Variants in STPG1 observed in about 807,000 individuals in gnomAD.
STPG1 encodes sperm tail PG-rich repeat containing 1, also known as O(6)-methylguanine-induced apoptosis 2.
In STPG1, 33 loss-of-function variants were observed where a neutral mutation model predicts 40.1. The observed-to-expected ratio is 0.82, with a 90% CI of 0.62 to 1.10. The LOEUF (loss-of-function observed/expected upper bound fraction) is 1.10. STPG1 is among the 50% of genes least tolerant of loss of function. The pLI is 0.00. For synonymous variants in STPG1, 150 were observed against 155.0 expected, an observed-to-expected ratio of 0.97 and a Z score of 0.24; for missense variants, 396 against 415.1, an observed-to-expected ratio of 0.95 and a Z score of 0.40.
chr1:24,394,092 T>C (rs75480864), intron 2 of STPG1, among the ~76,000 whole-genome samples: 4,285 of 152,230 alleles, frequency 0.028, 194 homozygotes, highest in African/African-American at 0.097. Flanking sequence ...ACACATGGCA[T>C]GAGAAAACTA....
intron 3 of STPG1, among the ~76,000 whole-genome samples, chr1:24,389,143 T>C (rs1015832085): frequency 2.0e-5 from 3 of 152,328 alleles, no homozygotes; most frequent in Admixed American, 6.5e-5. Flanking sequence ...GCCTGTAGGT[T>C]TGGCTACCTG....
chr1:24,369,222 C>G (rs540098422), intron 7 of STPG1: 108 of 392,518 alleles, frequency 2.8e-4, no homozygotes, highest in Non-Finnish European at 5.1e-4. Context: ...TTGACTGCTT[C>G]TGAATGTCCT....
At chr1:24,390,405 T>C (rs536170176) in intron 3 of STPG1, among the ~76,000 whole-genome samples, 11 of 152,264 alleles carry the variant, frequency 7.2e-5, no homozygotes, top group Admixed American at 3.9e-4. Flanking sequence ...AGGAATATGA[T>C]AACACATTGT....
rs138443233 is a variant in STPG1, at chr1:24,374,723, T to C, written c.463-913A>G. On this transcript the variant is annotated intron_variant, in intron 5 of 8. Transcript: ENST00000337248. ...CACTGCAACCTCTGCCTCCCGGGCT[T>C]AAGCAATCATCCCACCTCAGTCTCC... is the stretch of plus-strand genomic sequence containing the variant. 3.6e-3 allele frequency among the ~76,000 whole-genome samples: 553 copies of C among 152,176 alleles called. 6 individuals carry two copies. Among genetic ancestry groups the C allele is most frequent in the African/African-American group, 0.012 (510 of 41,526 alleles).
At chr1:24,400,566 T>C (rs1372276959) in intron 2 of STPG1, among the ~76,000 whole-genome samples, 1 of 152,090 alleles carries the variant, frequency 6.6e-6, no homozygotes, top group East Asian at 1.9e-4. Context: ...AATCAGAGGA[T>C]AGGAGGAAGA....
chr1:24,378,009 A>ATCC (rs60101910), intron 5 of STPG1, among the ~76,000 whole-genome samples: 1 of 151,650 alleles, frequency 6.6e-6, no homozygotes, highest in Admixed American at 6.6e-5. Context: ...GAAGTGCTTC[A>ATCC]TCCTCCTCCT....
chr1:24,386,767 C>T (rs1352497446), intron 3 of STPG1, among the ~76,000 whole-genome samples: 4 of 152,182 alleles, frequency 2.6e-5, no homozygotes, highest in African/African-American at 2.4e-5. Context: ...TCCCAGAGAA[C>T]GAGAATCCAA....
intron 6 of STPG1, among the ~76,000 whole-genome samples, chr1:24,371,266 G>A (rs952299059): frequency 1.3e-5 from 2 of 152,052 alleles, no homozygotes; most frequent in Non-Finnish European, 2.9e-5. Context: ...ATGATGTTCC[G>A]AAAGGATTTT....
Position 24,379,765 on chromosome 1 carries a change from G to A in STPG1, c.350C>T (p.Pro117Leu), listed in dbSNP as rs1186863335. The change falls in exon 5 of 9, where the codon CCA (proline) becomes CTA (leucine). Residue 117 changes from proline to leucine, a missense_variant. Transcript: ENST00000337248. ...KYPAANAYTI[P>L]SDFISKRDFS... ...GTCTCTCTTGGAAATAAAATCCGAT[G>A]GGATAGTGTATGCATTCGCTGCAGG... 1.2e-6 allele frequency: 2 copies of A among 1,614,134 alleles called. No homozygotes were observed. Among genetic ancestry groups the A allele is most frequent in the Non-Finnish European group, 1.7e-6 (2 of 1,179,988 alleles).
At chr1:24,360,746 C>G in intron 8 of STPG1, 105 bp downstream of exon 8, 1 of 1,018,630 alleles carries the variant, frequency 9.8e-7, no homozygotes, top group South Asian at 1.6e-5. Flanking sequence ...ATCCCTGTAA[C>G]CTATTTGGGA....
intron 7 of STPG1, among the ~76,000 whole-genome samples, chr1:24,366,804 T>C (rs1330569151): frequency 6.6e-6 from 1 of 152,110 alleles, no homozygotes; most frequent in Admixed American, 6.5e-5. Flanking sequence ...GAGCCAGCTA[T>C]ACAAATGTCG....
intron 7 of STPG1, among the ~76,000 whole-genome samples, chr1:24,365,335 G>A (rs1641386258): frequency 6.6e-6 from 1 of 152,166 alleles, no homozygotes; most frequent in African/African-American, 2.4e-5. Context: ...TCCTTGCTGG[G>A]GAGCATGAGT....
chr1:24,390,154 C>T (rs1642698623), intron 3 of STPG1, among the ~76,000 whole-genome samples: 1 of 152,178 alleles, frequency 6.6e-6, no homozygotes, highest in Non-Finnish European at 1.5e-5. Context: ...GAAATGAGGA[C>T]TCCTCCAAAA....
At chr1:24,384,179 A>C (rs905373968) in intron 3 of STPG1, among the ~76,000 whole-genome samples, 176 bp from the exon 4 acceptor site, 3 of 152,226 alleles carry the variant, frequency 2.0e-5, no homozygotes, top group African/African-American at 7.2e-5. Context: ...TCTTCGTCTC[A>C]GTTACCAAGT....
At chr1:24,388,979 T>C (rs772511165) in intron 3 of STPG1, among the ~76,000 whole-genome samples, 6 of 152,220 alleles carry the variant, frequency 3.9e-5, no homozygotes, top group African/African-American at 1.4e-4. Context: ...GAAAGCCTGA[T>C]TGATGGATCC....
At chr1:24,404,186 T>C (rs984246630) in intron 1 of STPG1, among the ~76,000 whole-genome samples, 5 of 152,238 alleles carry the variant, frequency 3.3e-5, no homozygotes, top group African/African-American at 7.2e-5. Flanking sequence ...TCTATGGAGA[T>C]GATCATACAA....
At chr1:24,358,721 G>T in intron 8 of STPG1, 102 bp from the exon 9 acceptor site, 1 of 811,754 alleles carries the variant, frequency 1.2e-6, no homozygotes, top group Non-Finnish European at 2.0e-6. Flanking sequence ...GGACCCCTGT[G>T]CCAGCCCCTG....
intron 3 of STPG1, among the ~76,000 whole-genome samples, chr1:24,389,413 T>C (rs1642660212): frequency 6.6e-6 from 1 of 152,192 alleles, no homozygotes; most frequent in South Asian, 2.1e-4. Context: ...GTGCAGTGTG[T>C]GGAAAGAGCA....
intron 1 of STPG1, among the ~76,000 whole-genome samples, chr1:24,405,704 C>T (rs1643388444): frequency 6.6e-6 from 1 of 152,112 alleles, no homozygotes; most frequent in South Asian, 2.1e-4. Context: ...AGCACTATTA[C>T]CAGGTGCATG....
Sources: allele counts gnomAD v4.1 joint callset (sites outside exome capture counted in the v4.1 genomes callset), GRCh38; gene constraint gnomAD v4.1.1; transcripts MANE v1.5; gene names NCBI Gene and HGNC (gene_info 2026-07-23, HGNC 2026-07-21).